PRKN: variants seen among roughly 807,000 people sequenced by gnomAD.
PRKN encodes E3 ubiquitin-protein ligase parkin.
In PRKN, 56 loss-of-function variants were observed where a neutral mutation model predicts 59.5. That is an observed-to-expected ratio of 0.94 (90% CI 0.76 to 1.18). The LOEUF (loss-of-function observed/expected upper bound fraction) is 1.18. PRKN is among the 50% of genes most tolerant of loss of function. The pLI is 0.00. For missense variants in PRKN, 657 were observed against 596.4 expected, an observed-to-expected ratio of 1.10 and a Z score of -1.06; for synonymous variants, 250 against 222.1, an observed-to-expected ratio of 1.13 and a Z score of -1.12.
intron 3 of PRKN, among the ~76,000 whole-genome samples, chr6:162,234,927 T>C (rs1778582130): frequency 6.6e-6 from 1 of 152,230 alleles, no homozygotes; most frequent in Non-Finnish European, 1.5e-5. Context: ...TGGTAAGTGA[T>C]ATTAATGTCC....
intron 1 of PRKN, among the ~76,000 whole-genome samples, chr6:162,654,929 C>T (rs893201238): frequency 6.6e-6 from 1 of 151,886 alleles, no homozygotes; most frequent in African/African-American, 2.4e-5. Context: ...ACAGCCAAAC[C>T]ATATCATTTA....
At chr6:162,344,288 C>G (rs1357900349) in intron 2 of PRKN, among the ~76,000 whole-genome samples, 1 of 151,996 alleles carries the variant, frequency 6.6e-6, no homozygotes, top group Non-Finnish European at 1.5e-5. Context: ...AATCTCAAAT[C>G]GTCTACAGAG....
Position 161,385,419 on chromosome 6 carries a change from A to G in PRKN, c.1167+1375T>C, listed in dbSNP as rs1225980836. On this transcript the variant is annotated intron_variant, in intron 10 of 11. Coordinates refer to ENST00000366898, the MANE Select transcript of PRKN (RefSeq NM_004562.3). The surrounding 1 kb of genome is among the most constrained non-coding windows in gnomAD (Gnocchi z 4.9). ...TGAATCCAATATTAAGGTTTTAACAATTTAAAAACATTTAATTTGGGCTAC... is the reference window on the plus strand; with the variant it reads ...TGAATCCAATATTAAGGTTTTAACAGTTTAAAAACATTTAATTTGGGCTAC... Among the ~76,000 whole-genome samples the G allele has an allele frequency of 6.6e-6, 1 of 152,192 alleles. No individual in the cohort carries two copies. Among genetic ancestry groups the G allele is most frequent in the Non-Finnish European group, 1.5e-5 (1 of 68,034 alleles).
intron 9 of PRKN, among the ~76,000 whole-genome samples, chr6:161,523,597 C>G (rs1583186984): frequency 6.6e-6 from 1 of 152,144 alleles, no homozygotes; most frequent in East Asian, 1.9e-4. Context: ...ATGGAACTAG[C>G]TATGTGACAG....
At chr6:161,858,574 C>T (rs1793749852) in intron 6 of PRKN, among the ~76,000 whole-genome samples, 1 of 152,036 alleles carries the variant, frequency 6.6e-6, no homozygotes, top group Admixed American at 6.6e-5. Flanking sequence ...TCTGAATACC[C>T]ACCCCCACCT....
At chr6:162,414,726 A>AAAAAAGAAAAAAAAAAAGT (rs34838356) in intron 2 of PRKN, among the ~76,000 whole-genome samples, 1 of 91,870 alleles carries the variant, frequency 1.1e-5, no homozygotes, top group Non-Finnish European at 2.1e-5. Flanking sequence ...AAAAAAAAAA[A>AAAAAAGAAAAAAAAAAAGT]AGTGAATCTT....
At chr6:162,373,210 C>CT (rs1350082137) in intron 2 of PRKN, among the ~76,000 whole-genome samples, 2 of 152,122 alleles carry the variant, frequency 1.3e-5, no homozygotes, top group Admixed American at 1.3e-4. Flanking sequence ...TTCAACGGAG[C>CT]TTTCATGTAA....
chr6:162,524,202 T>C (rs913241506), intron 1 of PRKN, among the ~76,000 whole-genome samples: 1 of 152,208 alleles, frequency 6.6e-6, no homozygotes, highest in Non-Finnish European at 1.5e-5. Context: ...TAGGAGCTAT[T>C]GTAACCCTGG....
intron 6 of PRKN, among the ~76,000 whole-genome samples, chr6:161,919,331 C>T (rs1259339174): frequency 6.6e-6 from 1 of 152,116 alleles, no homozygotes; most frequent in Non-Finnish European, 1.5e-5. Context: ...GACAGTTGAT[C>T]AGTGTTTGCC....
intron 6 of PRKN, among the ~76,000 whole-genome samples, chr6:161,885,719 G>A (rs934907350): frequency 2.0e-5 from 3 of 150,536 alleles, no homozygotes; most frequent in African/African-American, 4.9e-5. Flanking sequence ...AACATTCTCT[G>A]AATTAAGTCA....
chr6:161,618,918 A>T (rs1156637061), intron 7 of PRKN, among the ~76,000 whole-genome samples: 2 of 152,182 alleles, frequency 1.3e-5, no homozygotes, highest in Non-Finnish European at 1.5e-5. Flanking sequence ...GGCGCCATGG[A>T]GCTGCCAAGC....
intron 6 of PRKN, among the ~76,000 whole-genome samples, chr6:161,969,755 T>C (rs1323374313): frequency 1.3e-5 from 2 of 152,196 alleles, no homozygotes; most frequent in African/African-American, 4.8e-5. Context: ...CTGATTTTCA[T>C]CTATTATTTT....
At chr6:162,025,011 T>C (rs1014419038) in intron 5 of PRKN, among the ~76,000 whole-genome samples, 11 of 151,294 alleles carry the variant, frequency 7.3e-5, no homozygotes, top group Admixed American at 6.6e-4. Context: ...ATGTCCAGAT[T>C]GTATTTTTTT....
intron 6 of PRKN, among the ~76,000 whole-genome samples, chr6:161,906,387 G>C (rs1778145436): frequency 6.6e-6 from 1 of 152,112 alleles, no homozygotes; most frequent in African/African-American, 2.4e-5. Context: ...CATTTGCCCA[G>C]CTTCCACCAT....
rs1385848763 is a variant in PRKN, at chr6:161,588,793, C to T, written c.872-19377G>A. ...AGTGGCTCTTGAGAGAAGGACAGAACTTAATTTTGGCACAAGCCTAGGACT... is the reference window on the plus strand; with the variant it reads ...AGTGGCTCTTGAGAGAAGGACAGAATTTAATTTTGGCACAAGCCTAGGACT... On this transcript the variant is annotated intron_variant, in intron 7 of 11. Transcript: ENST00000366898. The surrounding 1 kb of genome is among the most constrained non-coding windows in gnomAD (Gnocchi z 5.0). Among the ~76,000 whole-genome samples the T allele has an allele frequency of 6.6e-6, 1 of 152,134 alleles. No homozygotes were observed. Among genetic ancestry groups the T allele is most frequent in the African/African-American group, 2.4e-5 (1 of 41,446 alleles).
intron 6 of PRKN, among the ~76,000 whole-genome samples, chr6:161,866,530 G>A (rs961502310): frequency 2.0e-5 from 3 of 152,072 alleles, no homozygotes; most frequent in East Asian, 1.9e-4. Flanking sequence ...AGCTGAGATC[G>A]CACCACTGCA....
At chr6:162,470,825 C>T (rs1347074696) in intron 1 of PRKN, among the ~76,000 whole-genome samples, 5 of 151,802 alleles carry the variant, frequency 3.3e-5, no homozygotes, top group South Asian at 2.1e-4. Context: ...GGTGCAATCT[C>T]GGCTCACTGC....
intron 6 of PRKN, among the ~76,000 whole-genome samples, chr6:161,960,344 T>G (rs1310144183): frequency 1.3e-5 from 2 of 152,216 alleles, no homozygotes; most frequent in Admixed American, 1.3e-4. Flanking sequence ...TCTTGGGAAT[T>G]GGAAAGACGG....
intron 6 of PRKN, among the ~76,000 whole-genome samples, chr6:161,941,041 G>C (rs373572290): frequency 6.6e-6 from 1 of 152,188 alleles, no homozygotes; most frequent in Non-Finnish European, 1.5e-5. Context: ...TGGCATGGTC[G>C]CTTTAACCAA....
Sources: allele counts gnomAD v4.1 joint callset (sites outside exome capture counted in the v4.1 genomes callset), GRCh38; gene constraint gnomAD v4.1.1; non-coding constraint Gnocchi (gnomAD v3.1); transcripts MANE v1.5; gene names NCBI Gene and HGNC (gene_info 2026-07-23, HGNC 2026-07-21).